Variants in LRRTM4 observed in about 807,000 individuals in gnomAD.
The protein encoded by LRRTM4 is leucine-rich repeat transmembrane neuronal protein 4.
A neutral mutation model predicts 47.6 loss-of-function variants in LRRTM4; 25 were observed. The observed-to-expected ratio is 0.53, with a 90% CI of 0.38 to 0.73. The LOEUF is 0.73. Ranked by LOEUF, LRRTM4 falls within the 30% of genes least tolerant of loss-of-function variation. LRRTM4 has a pLI of 0.00. For synonymous variants in LRRTM4, 311 were observed against 269.5 expected (o/e 1.15, Z -1.51); for missense variants, 638 against 713.4 (o/e 0.89, Z 1.20).
chr2:77,378,025 C>T (rs1475034435), intron 3 of LRRTM4, among the ~76,000 whole-genome samples: 1 of 151,902 alleles, frequency 6.6e-6, no homozygotes, highest in Non-Finnish European at 1.5e-5. Flanking sequence ...AGAAAAAGTT[C>T]ATTTTGCACA....
intron 3 of LRRTM4, among the ~76,000 whole-genome samples, chr2:77,349,068 T>A (rs1215513713): frequency 1.3e-5 from 2 of 151,974 alleles, no homozygotes; most frequent in African/African-American, 4.8e-5. Flanking sequence ...TAGCTCCATT[T>A]TTTTTAATCA....
intron 3 of LRRTM4, among the ~76,000 whole-genome samples, chr2:76,862,598 C>T (rs745688943): frequency 1.8e-4 from 27 of 152,046 alleles, no homozygotes; most frequent in African/African-American, 5.1e-4. Flanking sequence ...AAGAAGGTTG[C>T]GCTTTGAGGA....
intron 3 of LRRTM4, among the ~76,000 whole-genome samples, chr2:77,032,077 G>C (rs1319257421): frequency 6.6e-6 from 1 of 152,012 alleles, no homozygotes; most frequent in Admixed American, 6.6e-5. Context: ...CCATTAACTT[G>C]GGCCTAGAAT....
intron 3 of LRRTM4, among the ~76,000 whole-genome samples, chr2:77,006,800 A>G (rs1046522643): frequency 1.3e-5 from 2 of 152,164 alleles, no homozygotes; most frequent in African/African-American, 4.8e-5. Context: ...AACAGGCAAG[A>G]CCAGCTAAGC....
intron 3 of LRRTM4, among the ~76,000 whole-genome samples, chr2:77,057,083 A>G (rs1438846758): frequency 1.1e-4 from 16 of 152,224 alleles, no homozygotes; most frequent in Admixed American, 9.8e-4. Flanking sequence ...TGGTCTACAA[A>G]GCCTTAAATA....
At chr2:76,789,705 G>A (rs1156253931) in intron 3 of LRRTM4, among the ~76,000 whole-genome samples, 1 of 152,100 alleles carries the variant, frequency 6.6e-6, no homozygotes, top group East Asian at 1.9e-4. Context: ...CATGAGGGAG[G>A]AGTGTTAATC....
In LRRTM4 at chr2:77,518,588, G is replaced by A. The variant is rs552027972; in HGVS notation, c.1281C>T (p.Ala427=). The A allele has an allele frequency of 3.7e-6, 6 of 1,613,254 alleles. No homozygotes were observed. The highest frequency in any genetic ancestry group is 5.1e-6 in the Non-Finnish European group (6 of 1,179,636). Residue 427 remains alanine, a synonymous_variant, in exon 3 of 4, where the codon GCC becomes GCT. Transcript: ENST00000409884. ...YEHVSFHKII[A]GSVALFLSVA... Reference sequence around the variant, plus strand: ...CTGAGAGAAAGAGAGCCACACTCCCGGCAATAATTTTGTGAAATGAAACAT... The same window carrying A: ...CTGAGAGAAAGAGAGCCACACTCCCAGCAATAATTTTGTGAAATGAAACAT...
chr2:77,021,186 T>C (rs1395109892), intron 3 of LRRTM4, among the ~76,000 whole-genome samples: 1 of 151,944 alleles, frequency 6.6e-6, no homozygotes, highest in African/African-American at 2.4e-5. Context: ...ATGTATATAA[T>C]CAGTGATATA....
chr2:77,385,817 A>G (rs1455756949), intron 3 of LRRTM4, among the ~76,000 whole-genome samples: 2 of 132,706 alleles, frequency 1.5e-5, no homozygotes, highest in East Asian at 4.4e-4. Context: ...GCACGATCTC[A>G]GCTCGGTGTA....
chr2:76,812,695 CT>C (rs374968049), intron 3 of LRRTM4, among the ~76,000 whole-genome samples: 104 of 97,234 alleles, frequency 1.1e-3, no homozygotes, highest in Middle Eastern at 7.0e-3. Flanking sequence ...TTCTTTCTTT[CT>C]TTTCTTTCTT....
chr2:77,342,048 A>T (rs966240981), intron 3 of LRRTM4, among the ~76,000 whole-genome samples: 1 of 151,956 alleles, frequency 6.6e-6, no homozygotes, highest in African/African-American at 2.4e-5. Flanking sequence ...GGTAAGTTTT[A>T]TTACTGCACA....
At chr2:77,402,615 A>T (rs375422789) in intron 3 of LRRTM4, among the ~76,000 whole-genome samples, 2 of 151,896 alleles carry the variant, frequency 1.3e-5, no homozygotes, top group East Asian at 3.9e-4. Context: ...TCCATTCTGG[A>T]TCATAATCTA....
chr2:77,251,845 A>G (rs887074370), intron 3 of LRRTM4, among the ~76,000 whole-genome samples: 3 of 152,100 alleles, frequency 2.0e-5, no homozygotes, highest in African/African-American at 7.2e-5. Flanking sequence ...TCACTAAATA[A>G]AACCCCAGGA....
chr2:77,261,876 T>A (rs894974768), intron 3 of LRRTM4, among the ~76,000 whole-genome samples: 4 of 151,950 alleles, frequency 2.6e-5, no homozygotes, highest in African/African-American at 9.7e-5. Flanking sequence ...CCAGCCTGGA[T>A]TACGGACTGG....
chr2:77,110,200 T>C (rs1302769877), intron 3 of LRRTM4, among the ~76,000 whole-genome samples: 3 of 152,094 alleles, frequency 2.0e-5, no homozygotes, highest in Admixed American at 6.6e-5. Context: ...ATGAGTGATA[T>C]TAAAAGGTGG....
intron 3 of LRRTM4, among the ~76,000 whole-genome samples, chr2:76,975,703 T>C (rs1676395839): frequency 6.6e-6 from 1 of 151,672 alleles, no homozygotes; most frequent in Non-Finnish European, 1.5e-5. Context: ...CAAAAAATAT[T>C]TACTATTGGA....
chr2:76,820,872 T>C (rs983688719), intron 3 of LRRTM4, among the ~76,000 whole-genome samples: 2 of 151,756 alleles, frequency 1.3e-5, no homozygotes, highest in African/African-American at 2.4e-5. Context: ...AGTTACAGCA[T>C]CTGAATTCTC....
chr2:76,874,040 C>G (rs185781365), intron 3 of LRRTM4, among the ~76,000 whole-genome samples: 3 of 151,884 alleles, frequency 2.0e-5, no homozygotes, highest in Non-Finnish European at 4.4e-5. Context: ...TTTACTCCCC[C>G]CAGAGCTTCA....
intron 3 of LRRTM4, among the ~76,000 whole-genome samples, chr2:77,406,570 C>T (rs1301314978): frequency 1.3e-5 from 2 of 152,002 alleles, no homozygotes; most frequent in East Asian, 1.9e-4. Context: ...CCAAAGTGCA[C>T]GATTATGGGT....
Sources: gnomAD v4.1 joint callset for allele counts (sites outside exome capture counted in the v4.1 genomes callset) on GRCh38, gnomAD v4.1.1 for gene constraint, MANE v1.5 for transcripts, NCBI Gene and HGNC (gene_info 2026-07-23, HGNC 2026-07-21) for gene names.